DGKB: variants seen among roughly 807,000 people sequenced by gnomAD.
The protein encoded by DGKB is 90 kDa diacylglycerol kinase.
A neutral mutation model predicts 114.3 loss-of-function variants in DGKB; 67 were observed. The observed-to-expected ratio is 0.59, with a 90% CI of 0.48 to 0.72. The LOEUF is 0.72. Among genes scored for constraint, DGKB ranks in the 30% least tolerant of loss-of-function variants. The pLI, the probability that DGKB is intolerant of heterozygous loss-of-function variation, is 0.00. For synonymous variants in DGKB, 398 were observed against 323.1 expected (o/e 1.23, Z -2.49); for missense variants, 907 against 975.2 (o/e 0.93, Z 0.93).
chr7:14,834,854 A>G (rs1846931326), intron 2 of DGKB, among the ~76,000 whole-genome samples: 1 of 152,130 alleles, frequency 6.6e-6, no homozygotes, highest in South Asian at 2.1e-4. Context: ...AAAAGAGCTT[A>G]CCCAAAGTTT....
At chr7:14,379,320 A>G (rs1475010621) in intron 21 of DGKB, among the ~76,000 whole-genome samples, 1 of 152,090 alleles carries the variant, frequency 6.6e-6, no homozygotes, top group Non-Finnish European at 1.5e-5. Flanking sequence ...TTGTTGAACC[A>G]ACTTTCCAGT....
In DGKB at chr7:14,406,973, G is replaced by T. The variant is rs944919306; in HGVS notation, c.1836-61582C>A. 3.3e-5 allele frequency among the ~76,000 whole-genome samples: 5 copies of T among 152,084 alleles called. No homozygotes were observed. The East Asian group carries it at 9.6e-4, about 29-fold the overall frequency. On this transcript the variant is annotated intron_variant, in intron 21 of 25. Transcript: ENST00000402815. ...GTGATTATGGGTTCTGTATTGAGCA[G>T]ATAATTTAGTCCAAGAAGATGCTTA...
Position 14,146,339 on chromosome 7 carries a change from A to C in DGKB, c.*2792T>G, listed in dbSNP as rs1001839079. The C allele has an allele frequency of 6.6e-6, 1 of 152,198 alleles. No homozygotes were observed. The highest frequency in any genetic ancestry group is 2.4e-5 in the African/African-American group (1 of 41,466). 9.4% of individuals were successfully genotyped at this position (152,198 alleles called of 1,614,324 possible). ...TGCCTAGCAATGTTTAGCAGAGTGC[A>C]TGTCTCTTTTCCCTCTTTGTTTCTG... is the stretch of plus-strand genomic sequence containing the variant. On this transcript the variant is annotated 3_prime_UTR_variant, in exon 26 of 26. Coordinates refer to ENST00000402815, the MANE Select transcript of DGKB (RefSeq NM_001350709.2).
chr7:14,442,538 T>C (rs1830219277), intron 21 of DGKB, among the ~76,000 whole-genome samples: 2 of 152,226 alleles, frequency 1.3e-5, no homozygotes, highest in African/African-American at 4.8e-5. Context: ...ATTTTTGGAG[T>C]TCATCCTGGC....
intron 20 of DGKB, among the ~76,000 whole-genome samples, chr7:14,553,151 T>A (rs1795354156): frequency 6.6e-6 from 1 of 152,264 alleles, no homozygotes; most frequent in Non-Finnish European, 1.5e-5. Flanking sequence ...ATGAATCTAA[T>A]AATGTATTGC....
At chr7:14,643,108 G>A (rs1812141316) in intron 13 of DGKB, among the ~76,000 whole-genome samples, 2 of 152,102 alleles carry the variant, frequency 1.3e-5, no homozygotes, top group Admixed American at 1.3e-4. Flanking sequence ...GCAAGAAAAT[G>A]ATGAAGCCCT....
chr7:14,448,612 T>C (rs1457136962), intron 21 of DGKB, among the ~76,000 whole-genome samples: 1 of 152,116 alleles, frequency 6.6e-6, no homozygotes, highest in Non-Finnish European at 1.5e-5. Context: ...CAAATGCACT[T>C]GTGATGTACA....
At chr7:14,405,236 T>C (rs1441804137) in intron 21 of DGKB, among the ~76,000 whole-genome samples, 1 of 151,998 alleles carries the variant, frequency 6.6e-6, no homozygotes, top group Non-Finnish European at 1.5e-5. Context: ...ACCTTGTCAG[T>C]ATCATTCTCA....
intron 5 of DGKB, among the ~76,000 whole-genome samples, chr7:14,734,020 C>CAT (rs1831323250): frequency 6.7e-6 from 1 of 148,184 alleles, no homozygotes; most frequent in African/African-American, 2.5e-5. Context: ...TATACCAACA[C>CAT]GTGTGTGTGT....
Position 14,314,124 on chromosome 7 carries a change from T to C in DGKB, c.2122+24391A>G, listed in dbSNP as rs375954024. 1.8e-3 allele frequency among the ~76,000 whole-genome samples: 279 copies of C among 151,576 alleles called. 1 individual carries two copies. The highest frequency in any genetic ancestry group is 6.2e-3 in the African/African-American group (256 of 41,102). ...CAGAAAGGACATCCACACCAAAAAC[T>C]CATCTGTACATCACCATCATCAAAG... On this transcript the variant is annotated intron_variant, in intron 23 of 25. Transcript: ENST00000402815.
At chr7:14,807,162 T>A (rs1354589951) in intron 2 of DGKB, among the ~76,000 whole-genome samples, 1 of 152,044 alleles carries the variant, frequency 6.6e-6, no homozygotes, top group African/African-American at 2.4e-5. Context: ...TCCCTCCGTG[T>A]CTCTTTCTAT....
At chr7:14,640,446 G>A (rs1811550231) in intron 13 of DGKB, among the ~76,000 whole-genome samples, 1 of 152,206 alleles carries the variant, frequency 6.6e-6, no homozygotes, top group South Asian at 2.1e-4. Context: ...ACTAGGTACA[G>A]AGCCGTAATC....
chr7:14,277,091 A>T (rs967272045), intron 23 of DGKB, among the ~76,000 whole-genome samples: 1 of 152,112 alleles, frequency 6.6e-6, no homozygotes, highest in Non-Finnish European at 1.5e-5. Flanking sequence ...AAAATATCTA[A>T]TTGAAATTTT....
Position 14,943,637 on chromosome 7 carries a change from A to AACACACACACACACAC in DGKB, c.-188+31058_-188+31059insGTGTGTGTGTGTGTGT, listed in dbSNP as rs563726736. 7.0e-3 allele frequency among the ~76,000 whole-genome samples: 1,059 copies of AACACACACACACACAC among 151,544 alleles called. 9 individuals carry two copies. The highest frequency in any genetic ancestry group is 0.022 in the African/African-American group (900 of 41,420). On this transcript the variant is annotated intron_variant, in intron 1 of 4. Transcript: ENST00000437998. ...TTTGTAATAACCAGTTTTGAAGTGA[A>AACACACACACACACAC]ACACACACACACATATATATATCTC...
At chr7:14,248,228 A>G (rs958231873) in intron 23 of DGKB, among the ~76,000 whole-genome samples, 2 of 152,094 alleles carry the variant, frequency 1.3e-5, no homozygotes, top group African/African-American at 4.8e-5. Context: ...TGCCAGTACT[A>G]TACTGTTTTG....
At chr7:14,819,784 T>C (rs1047540820) in intron 2 of DGKB, among the ~76,000 whole-genome samples, 6 of 152,102 alleles carry the variant, frequency 3.9e-5, no homozygotes, top group Non-Finnish European at 8.8e-5. Context: ...ATGTTCTTAA[T>C]ATCTATACCA....
chr7:14,216,963 C>T (rs1201086494), intron 23 of DGKB, among the ~76,000 whole-genome samples: 1 of 152,010 alleles, frequency 6.6e-6, no homozygotes, highest in Non-Finnish European at 1.5e-5. Context: ...TTATGTAGTA[C>T]ACTGAACAAG....
chr7:14,465,596 G>GC (rs1032142196), intron 21 of DGKB, among the ~76,000 whole-genome samples: 3 of 152,144 alleles, frequency 2.0e-5, no homozygotes, highest in Non-Finnish European at 4.4e-5. Context: ...TTGCAACACA[G>GC]CCCCCAGGTT....
At chr7:14,856,429 C>T (rs1217226706) in intron 1 of DGKB, among the ~76,000 whole-genome samples, 1 of 151,986 alleles carries the variant, frequency 6.6e-6, no homozygotes, top group Admixed American at 6.6e-5. Flanking sequence ...GATGTTAATA[C>T]CACTGTTTAT....
Sources: allele counts gnomAD v4.1 joint callset (sites outside exome capture counted in the v4.1 genomes callset), GRCh38; gene constraint gnomAD v4.1.1; transcripts MANE v1.5; gene names NCBI Gene and HGNC (gene_info 2026-07-23, HGNC 2026-07-21).